The following RORA variants were observed in gnomAD, a reference collection of about 807,000 sequenced individuals.
The protein encoded by RORA is RAR related orphan receptor A.
A neutral mutation model predicts 69.5 loss-of-function variants in RORA; 7 were observed. The observed-to-expected ratio is 0.10, with a 90% confidence interval of 0.06 to 0.19. RORA has a LOEUF of 0.19. Ranked by LOEUF, RORA falls within the 10% of genes least tolerant of loss-of-function variation. The pLI is 1.00. For synonymous variants in RORA, 261 were observed against 240.8 expected (o/e 1.08, Z -0.78); for missense variants, 457 against 663.0 (o/e 0.69, Z 3.41).
At chr15:60,514,912 ACTT>A (rs2065813397) in intron 3 of RORA, among the ~76,000 whole-genome samples, 155 bp from the exon 4 acceptor site, 1 of 152,198 alleles carries the variant, frequency 6.6e-6, no homozygotes, top group Non-Finnish European at 1.5e-5. Context: ...AATTAAAGTC[ACTT>A]CTTTTTCCTT....
At chr15:61,137,072 AAAGAAAGAAAG>A (rs2079250701) in intron 1 of RORA, among the ~76,000 whole-genome samples, 1 of 149,448 alleles carries the variant, frequency 6.7e-6, no homozygotes, top group African/African-American at 2.5e-5. Flanking sequence ...AGAAAGAAAG[AAAGAAAGAAAG>A]AAAGAAAGAA....
chr15:60,715,328 CTTT>C (rs1406646447), intron 1 of RORA, among the ~76,000 whole-genome samples: 1 of 152,166 alleles, frequency 6.6e-6, no homozygotes, highest in Non-Finnish European at 1.5e-5. Flanking sequence ...TAATGAGAAA[CTTT>C]TTTGAACACA....
intron 1 of RORA, among the ~76,000 whole-genome samples, chr15:60,917,586 G>A (rs1055776963): frequency 6.6e-6 from 1 of 152,196 alleles, no homozygotes; most frequent in Non-Finnish European, 1.5e-5. Context: ...GCTCTATCTG[G>A]GAGAAAGTAG....
chr15:60,772,220 C>G (rs572071097), intron 1 of RORA, among the ~76,000 whole-genome samples: 1 of 152,062 alleles, frequency 6.6e-6, no homozygotes, highest in Non-Finnish European at 1.5e-5. Context: ...CCCCCACCCC[C>G]CTGACAGGCC....
At chr15:60,934,148 C>G (rs1892451756) in intron 1 of RORA, among the ~76,000 whole-genome samples, 1 of 152,250 alleles carries the variant, frequency 6.6e-6, no homozygotes, top group African/African-American at 2.4e-5. Context: ...CAGTCCTGAT[C>G]TACATTAACA....
At chr15:61,056,798 C>T (rs1444620630) in intron 1 of RORA, among the ~76,000 whole-genome samples, 1 of 152,208 alleles carries the variant, frequency 6.6e-6, no homozygotes, top group Admixed American at 6.5e-5. Flanking sequence ...CGTCCAGTTT[C>T]CTTCCGCAAA....
At chr15:60,956,844 T>C (rs1893279845) in intron 1 of RORA, among the ~76,000 whole-genome samples, 1 of 152,240 alleles carries the variant, frequency 6.6e-6, no homozygotes, top group Non-Finnish European at 1.5e-5. Flanking sequence ...TAGAGGAAGC[T>C]GTGAGTTAGG....
rs991188438 is a variant in RORA, at chr15:61,109,989, C to T, written c.166+119064G>A. Among the ~76,000 whole-genome samples the T allele has an allele frequency of 3.9e-5, 6 of 152,320 alleles. No individual in the cohort carries two copies. In the Middle Eastern group the frequency reaches 0.01, roughly 259 times the overall value. ...TCCCACAGGATTATAATGAAACTAA[C>T]AAATTCCTATTGCCTAGTGATGTAG... On this transcript the variant is annotated intron_variant, in intron 1 of 10. Coordinates refer to ENST00000335670, the MANE Select transcript of RORA (RefSeq NM_134261.3).
intron 1 of RORA, among the ~76,000 whole-genome samples, chr15:60,991,882 C>T (rs184441826): frequency 6.6e-6 from 1 of 151,174 alleles, no homozygotes. Flanking sequence ...CTCCAGCCTG[C>T]GTGACAGAGC....
At chr15:61,207,609 T>A (rs1356863701) in intron 1 of RORA, among the ~76,000 whole-genome samples, 1 of 152,222 alleles carries the variant, frequency 6.6e-6, no homozygotes, top group Non-Finnish European at 1.5e-5. Context: ...CATCTACCTT[T>A]TCATCACAAT....
At position 60,511,492 on chromosome 15, in the gene RORA, G is replaced by C; in HGVS notation, c.554C>G (p.Thr185Ser). The C allele has an allele frequency of 6.2e-7, 1 of 1,614,168 alleles. No homozygotes were observed. Among genetic ancestry groups the C allele is most frequent in the Non-Finnish European group, 8.5e-7 (1 of 1,180,044 alleles). Residue 185 changes from threonine to serine, a missense_variant, in exon 5 of 11, where the codon ACC becomes AGC. Physicochemically the swap from Thr to Ser is moderately conservative, Grantham distance 58 (BLOSUM62 1). Coordinates refer to ENST00000335670, the MANE Select transcript of RORA (RefSeq NM_134261.3). The surrounding 1 kb of genome is among the most constrained non-coding windows in gnomAD (Gnocchi z 6.4). ...QPGEAEPLTPTYNISANGLTE... is the reference protein window; with the variant it reads ...QPGEAEPLTPSYNISANGLTE... ...CAGCCCGTTGGCCGAGATGTTGTAG[G>C]TGGGCGTCAGCGGCTCAGCCTCTCC...
intron 1 of RORA, among the ~76,000 whole-genome samples, chr15:60,996,862 A>C (rs996860306): frequency 6.6e-6 from 1 of 151,966 alleles, no homozygotes; most frequent in African/African-American, 2.4e-5. Context: ...GTGAGTGGAG[A>C]TCACGCCACT....
At chr15:61,115,150 C>T (rs1042639329) in intron 1 of RORA, among the ~76,000 whole-genome samples, 1 of 152,124 alleles carries the variant, frequency 6.6e-6, no homozygotes, top group Non-Finnish European at 1.5e-5. Context: ...AGTCTTGGGT[C>T]TGGTCCAGTG....
At chr15:60,947,023 C>CAT (rs1892905516) in intron 1 of RORA, among the ~76,000 whole-genome samples, 2 of 125,270 alleles carry the variant, frequency 1.6e-5, no homozygotes, top group South Asian at 5.2e-4. Context: ...AGGTGGGGGG[C>CAT]CAGCCCCCGC....
chr15:61,155,386 C>G (rs1319892592), intron 1 of RORA, among the ~76,000 whole-genome samples: 1 of 152,134 alleles, frequency 6.6e-6, no homozygotes, highest in Non-Finnish European at 1.5e-5. Flanking sequence ...AATACATCTT[C>G]AGGCATATAA....
chr15:61,193,075 C>CT (rs2079815614), intron 1 of RORA, among the ~76,000 whole-genome samples: 12 of 151,972 alleles, frequency 7.9e-5, no homozygotes, highest in African/African-American at 2.4e-4. Context: ...ATTCTCTCTC[C>CT]TATATCTTTC....
At chr15:61,087,294 G>A (rs2078639558) in intron 1 of RORA, among the ~76,000 whole-genome samples, 1 of 152,220 alleles carries the variant, frequency 6.6e-6, no homozygotes, top group Admixed American at 6.5e-5. Flanking sequence ...AAGATGTGAT[G>A]TATAACATGT....
chr15:60,970,558 G>A (rs1323636754), intron 1 of RORA, among the ~76,000 whole-genome samples: 1 of 152,140 alleles, frequency 6.6e-6, no homozygotes, highest in East Asian at 1.9e-4. Context: ...GATTCCATTT[G>A]GAATAAAGGG....
At chr15:60,800,364 G>A (rs2072561477) in intron 1 of RORA, among the ~76,000 whole-genome samples, 1 of 152,172 alleles carries the variant, frequency 6.6e-6, no homozygotes, top group Admixed American at 6.5e-5. Flanking sequence ...GACATGCCCT[G>A]GGATTCAGTT....
Sources: gnomAD v4.1 joint callset for allele counts (sites outside exome capture counted in the v4.1 genomes callset) on GRCh38, gnomAD v4.1.1 for gene constraint, Gnocchi (gnomAD v3.1) non-coding constraint, MANE v1.5 for transcripts, NCBI Gene and HGNC (gene_info 2026-07-23, HGNC 2026-07-21) for gene names.